Variants in ADD2 observed in about 807,000 individuals in gnomAD.
The protein encoded by ADD2 is beta-adducin.
A neutral mutation model predicts 83.0 loss-of-function variants in ADD2; 23 were observed. That is an observed-to-expected ratio of 0.28 (90% confidence interval 0.20 to 0.39). ADD2 has a LOEUF of 0.39. Ranked by LOEUF, ADD2 falls within the 10% of genes least tolerant of loss-of-function variation. The pLI, the probability that ADD2 is intolerant of heterozygous loss-of-function variation, is 1.00. For missense variants in ADD2, 758 were observed against 944.9 expected (o/e 0.80, Z 2.59); for synonymous variants, 375 against 375.4 (o/e 1.00, Z 0.01).
Position 70,692,775 on chromosome 2 carries a change from C to T in ADD2, c.556-223G>A, listed in dbSNP as rs149035953. 2.3e-4 allele frequency among the ~76,000 whole-genome samples: 35 copies of T among 152,302 alleles called. 3 individuals are homozygous for T. Among genetic ancestry groups the T allele is most frequent in the Middle Eastern group, 3.4e-3 (1 of 294 alleles). ...CGATTATAATTCAGCAGGAGAAATG[C>T]GAGAGCAGAGTTTCTCAGACTTTGT... On this transcript the variant is annotated intron_variant, in intron 6 of 15. Transcript: ENST00000264436.
rs1675423022 is a variant in ADD2 at position 70,658,109 on chromosome 2, C to T, written c.*5316G>A. 6.6e-6 allele frequency: 1 copy of T among 152,184 alleles called. No individual in the cohort carries two copies. Among genetic ancestry groups the T allele is most frequent in the South Asian group, 2.1e-4 (1 of 4,820 alleles). The allele number at this position is 152,184 out of a possible 1,614,324, so 9.4% of individuals were successfully genotyped here. On this transcript the variant is annotated 3_prime_UTR_variant, in exon 16 of 16. Coordinates refer to ENST00000264436, the MANE Select transcript of ADD2 (RefSeq NM_001617.4). The stretch of plus-strand genomic sequence containing the variant: ...GTTTCTGTATACATAAGAACACTCC[C>T]AGCTGGAGATTCTTCCTAATTGTTC...
At chr2:70,677,717 G>T (rs1000304086) in intron 12 of ADD2, 41 bp downstream of exon 12, 2 of 1,604,318 alleles carry the variant, frequency 1.2e-6, no homozygotes, top group Non-Finnish European at 1.7e-6. Flanking sequence ...AGACCCCCCA[G>T]TGTGGGAGAA....
intron 1 of ADD2, among the ~76,000 whole-genome samples, chr2:70,725,860 G>A (rs889531366): frequency 2.0e-5 from 3 of 152,140 alleles, no homozygotes; most frequent in African/African-American, 7.2e-5. Context: ...CTGAGAGTAT[G>A]CATGTCTCAA....
At chr2:70,751,383 G>A (rs1185693085) in intron 1 of ADD2, among the ~76,000 whole-genome samples, 2 of 152,130 alleles carry the variant, frequency 1.3e-5, no homozygotes, top group African/African-American at 4.8e-5. Flanking sequence ...TACTTCCTAG[G>A]ATGTCTCTTT....
chr2:70,723,591 G>T (rs1672837451), intron 1 of ADD2, among the ~76,000 whole-genome samples: 2 of 152,120 alleles, frequency 1.3e-5, no homozygotes, highest in African/African-American at 2.4e-5. Flanking sequence ...ACTTTAAATG[G>T]TGGGCTCCAC....
At chr2:70,678,281 G>A (rs1553368800) in intron 11 of ADD2, among the ~76,000 whole-genome samples, 1 of 152,236 alleles carries the variant, frequency 6.6e-6, no homozygotes, top group Non-Finnish European at 1.5e-5. Flanking sequence ...TTGAGAGCCT[G>A]TGGGTGGGGA....
intron 10 of ADD2, among the ~76,000 whole-genome samples, chr2:70,682,205 AG>A (rs1670490107): frequency 2.0e-5 from 3 of 152,240 alleles, no homozygotes; most frequent in Admixed American, 2.0e-4. Flanking sequence ...CAACGTTCAA[AG>A]AAAAATTGGT....
intron 1 of ADD2, among the ~76,000 whole-genome samples, chr2:70,738,501 C>T (rs1426407259): frequency 1.3e-5 from 2 of 152,168 alleles, no homozygotes; most frequent in African/African-American, 2.4e-5. Context: ...CACTGCCTGC[C>T]TGCCTCCTAG....
chr2:70,707,053 CCTA>C (rs1671943067), intron 2 of ADD2, among the ~76,000 whole-genome samples: 1 of 152,138 alleles, frequency 6.6e-6, no homozygotes, highest in African/African-American at 2.4e-5. Flanking sequence ...TTAAACAGGG[CCTA>C]CTAAGACTAC....
At chr2:70,693,301 G>A (rs1207583274) in intron 6 of ADD2, among the ~76,000 whole-genome samples, 1 of 152,036 alleles carries the variant, frequency 6.6e-6, no homozygotes, top group African/African-American at 2.4e-5. Context: ...GCAATCTCCC[G>A]GCAGCTGGAA....
rs1263287047 is a variant in ADD2 at position 70,677,831 on chromosome 2, A to G, written c.1430T>C (p.Ile477Thr). The change falls in exon 12 of 16, where the codon ATT (isoleucine) becomes ACT (threonine). Residue 477 changes from isoleucine (I) to threonine (T), a missense_variant. Transcript: ENST00000264436. ...AAATTGGTTTGGGTTTTCGATGCGAATCGGCATGCCACTGCTGGATTTCTC... is the reference window on the plus strand; with the variant it reads ...AAATTGGTTTGGGTTTTCGATGCGAGTCGGCATGCCACTGCTGGATTTCTC... ...EVEKSSSGMP[I>T]RIENPNQFVP... 2 of 1,614,094 alleles carry G rather than the reference A, an allele frequency of 1.2e-6. No individual in the cohort carries two copies. Among genetic ancestry groups the G allele is most frequent in the East Asian group, 2.2e-5 (1 of 44,896 alleles).
chr2:70,688,199 T>C lies in ADD2; in HGVS notation c.850-77A>G, dbSNP rs1163859732. 1.6e-5 allele frequency: 20 copies of C among 1,224,644 alleles called. No homozygotes were observed. The African/African-American group carries it at 2.7e-4, about 17-fold the overall frequency. 75.9% of individuals were successfully genotyped at this position (1,224,644 alleles called of 1,614,324 possible). ...TAAGAGGGAGAGGTTTTCCATTTTA[T>C]TTAGATCAACTTCCACAACCAATCC... On this transcript the variant is annotated intron_variant, in intron 8 of 15. Transcript: ENST00000264436.
In ADD2 at chr2:70,758,626, C is replaced by G. The variant is rs114485021; in HGVS notation, c.-154+9260G>C. Among the ~76,000 whole-genome samples the G allele has an allele frequency of 7.5e-3, 1,147 of 152,114 alleles. 20 individuals carry two copies. Among genetic ancestry groups the G allele is most frequent in the African/African-American group, 0.026 (1,082 of 41,474 alleles). On this transcript the variant is annotated intron_variant, in intron 1 of 15. Coordinates refer to ENST00000264436, the MANE Select transcript of ADD2 (RefSeq NM_001617.4). ...TCAACTATGCAACATAGTGAGACCT[C>G]GTCTCTACCAGAATTTTAAAAAAAA... is the stretch of plus-strand genomic sequence containing the variant.
chr2:70,680,407 C>T (rs974781597), intron 10 of ADD2, among the ~76,000 whole-genome samples: 4 of 152,180 alleles, frequency 2.6e-5, no homozygotes, highest in African/African-American at 9.7e-5. Flanking sequence ...GCTAGTGCCA[C>T]GCCATTTAGT....
intron 15 of ADD2, among the ~76,000 whole-genome samples, chr2:70,665,932 C>G (rs1675778966): frequency 6.6e-6 from 1 of 152,036 alleles, no homozygotes; most frequent in Non-Finnish European, 1.5e-5. Context: ...TCTCCTGCCT[C>G]AGCCTCCCAA....
intron 2 of ADD2, among the ~76,000 whole-genome samples, chr2:70,709,639 G>C (rs1672075832): frequency 6.6e-6 from 1 of 152,154 alleles, no homozygotes; most frequent in African/African-American, 2.4e-5. Context: ...TTCTAGCTCT[G>C]ACACTCTATG....
chr2:70,745,057 C>T (rs894902054), intron 1 of ADD2, among the ~76,000 whole-genome samples: 3 of 151,930 alleles, frequency 2.0e-5, no homozygotes, highest in Non-Finnish European at 4.4e-5. Context: ...GAGGCCGAGG[C>T]GGGCGGATCT....
At chr2:70,759,898 C>T (rs566547785) in intron 1 of ADD2, among the ~76,000 whole-genome samples, 1 of 152,244 alleles carries the variant, frequency 6.6e-6, no homozygotes, top group East Asian at 1.9e-4. Context: ...GATTTATATC[C>T]CTCATCCCCA....
chr2:70,694,108 A>T (rs1276592979), intron 6 of ADD2, among the ~76,000 whole-genome samples: 2 of 152,208 alleles, frequency 1.3e-5, no homozygotes, highest in Non-Finnish European at 2.9e-5. Context: ...CAGCAGCCCT[A>T]TGTCTACACA....
Sources: allele counts gnomAD v4.1 joint callset (sites outside exome capture counted in the v4.1 genomes callset), GRCh38; gene constraint gnomAD v4.1.1; transcripts MANE v1.5; gene names NCBI Gene and HGNC (gene_info 2026-07-23, HGNC 2026-07-21).